Variants in SMOC2 observed in about 807,000 individuals in gnomAD.
SMOC2 encodes the protein SPARC-related modular calcium-binding protein 2.
A neutral mutation model predicts 61.4 loss-of-function variants in SMOC2; 39 were observed. The ratio of observed to expected loss-of-function variants is 0.64; its 90% CI spans 0.49 to 0.83. SMOC2 has a LOEUF of 0.83. Among genes scored for constraint, SMOC2 ranks in the 40% least tolerant of loss-of-function variants. The pLI is 0.00. For synonymous variants in SMOC2, 247 were observed against 239.9 expected (o/e 1.03, Z -0.27); for missense variants, 556 against 592.9 (o/e 0.94, Z 0.65).
intron 9 of SMOC2, among the ~76,000 whole-genome samples, chr6:168,613,699 C>T (rs1785956824): frequency 7.4e-6 from 1 of 134,706 alleles, no homozygotes; most frequent in Non-Finnish European, 1.6e-5. Flanking sequence ...CTCTTCACAC[C>T]TACAGCCAGC....
At chr6:168,638,027 C>T (rs1786788810) in intron 9 of SMOC2, among the ~76,000 whole-genome samples, 1 of 149,846 alleles carries the variant, frequency 6.7e-6, no homozygotes, top group South Asian at 2.1e-4. Context: ...TCTCCCTGCA[C>T]ATCTGCGCAC....
chr6:168,664,890 A>C (rs920211726), intron 12 of SMOC2: 1 of 461,092 alleles, frequency 2.2e-6, no homozygotes, highest in Non-Finnish European at 4.5e-6. Flanking sequence ...TTTGTGATTT[A>C]TTTTGTCTGC....
At chr6:168,558,870 CAT>C (rs1491588674) in intron 7 of SMOC2, among the ~76,000 whole-genome samples, 1 of 100,088 alleles carries the variant, frequency 1.0e-5, no homozygotes, top group South Asian at 2.9e-4. Context: ...CATGTGTGTG[CAT>C]GTGTGTGCGT....
At chr6:168,625,690 G>A (rs975316994) in intron 9 of SMOC2, among the ~76,000 whole-genome samples, 1 of 152,182 alleles carries the variant, frequency 6.6e-6, no homozygotes, top group Admixed American at 6.5e-5. Context: ...CAGCCAAGCC[G>A]AGCCAAGTGC....
At position 168,618,505 on chromosome 6, in the gene SMOC2, C is replaced by T. The variant is rs140512007; in HGVS notation, c.907+10266C>T. 5.1e-3 allele frequency among the ~76,000 whole-genome samples: 691 copies of T among 135,176 alleles called. 1 individual carries two copies. Among genetic ancestry groups the T allele is most frequent in the Admixed American group, 8.4e-3 (112 of 13,318 alleles). The allele number at this position is 135,176 out of a possible 152,430, so 88.7% of individuals were successfully genotyped here. On this transcript the variant is annotated intron_variant, in intron 9 of 12. Transcript: ENST00000356284. The stretch of plus-strand genomic sequence containing the variant: ...TGGCATTAGGAGAGTGGAGGAGAGG[C>T]GGGTAGTGGCATTAAAAGGAGAGTC...
chr6:168,555,950 TG>T (rs1046861387), intron 7 of SMOC2, among the ~76,000 whole-genome samples: 1 of 152,086 alleles, frequency 6.6e-6, no homozygotes, highest in Non-Finnish European at 1.5e-5. Context: ...CAGACACCGC[TG>T]GGGGCACTGC....
intron 11 of SMOC2, among the ~76,000 whole-genome samples, chr6:168,659,932 G>A (rs538653224): frequency 2.6e-5 from 4 of 151,256 alleles, no homozygotes; most frequent in East Asian, 1.9e-4. Flanking sequence ...GTTGTAGGCT[G>A]GGTGAGGGTG....
chr6:168,650,700 G>C lies in SMOC2; in HGVS notation c.927G>C (p.Lys309Asn). ...TTTCAGGTTGTCCGGGTGCCAAAAA[G>C]CATGAGTTTCTGACCAGCGTTCTGG... ...RQLQGCPGAK[K>N]HEFLTSVLDA... The change falls in exon 10 of 13, where the codon AAG becomes AAC. Residue 309 changes from lysine to asparagine, a missense_variant. Physicochemically the swap from Lys to Asn is moderately conservative, Grantham distance 94. Transcript: ENST00000356284. 1 of 1,613,782 alleles carries C rather than the reference G, an allele frequency of 6.2e-7. No individual in the cohort carries two copies. Among genetic ancestry groups the C allele is most frequent in the Non-Finnish European group, 8.5e-7 (1 of 1,179,912 alleles).
At chr6:168,622,110 C>T (rs112121820) in intron 9 of SMOC2, among the ~76,000 whole-genome samples, 2 of 152,008 alleles carry the variant, frequency 1.3e-5, no homozygotes, top group African/African-American at 2.4e-5. Flanking sequence ...GGACTACAGG[C>T]GCCTGCCACC....
rs1562346828 is a variant in SMOC2, at chr6:168,558,868, TGC to T, written c.637+9666_637+9667del. On this transcript the variant is annotated intron_variant, in intron 7 of 12. Transcript: ENST00000356284. Reference sequence around the variant, plus strand: ...GTATGTGCGCGTGTGCGCATGTGTGTGCATGTGTGTGCGTGTGTGCGTGTGCA... The same window carrying T: ...GTATGTGCGCGTGTGCGCATGTGTGTATGTGTGTGCGTGTGTGCGTGTGCA... Among the ~76,000 whole-genome samples the T allele has an allele frequency of 2.3e-3, 242 of 107,534 alleles. 1 individual carries two copies. Among genetic ancestry groups the T allele is most frequent in the African/African-American group, 0.015 (235 of 15,480 alleles). 70.5% of individuals were successfully genotyped at this position (107,534 alleles called of 152,430 possible). A position where few individuals can be genotyped will look rare whatever the true frequency, so the allele number is the denominator to read the frequency against.
chr6:168,539,571 C>A (rs527712763), intron 4 of SMOC2, among the ~76,000 whole-genome samples: 9 of 152,360 alleles, frequency 5.9e-5, no homozygotes, highest in African/African-American at 2.2e-4. Flanking sequence ...CGGGCTCAGG[C>A]CTTCCACACC....
intron 9 of SMOC2, among the ~76,000 whole-genome samples, chr6:168,643,840 G>A (rs1320070005): frequency 1.3e-5 from 2 of 152,170 alleles, no homozygotes; most frequent in East Asian, 1.9e-4. Context: ...AGGCAGTCAC[G>A]AGGCCACAGT....
At chr6:168,505,766 A>G (rs947495765) in intron 1 of SMOC2, among the ~76,000 whole-genome samples, 1 of 152,184 alleles carries the variant, frequency 6.6e-6, no homozygotes, top group East Asian at 1.9e-4. Flanking sequence ...AAATCTGAGG[A>G]AGTCCAGGCT....
chr6:168,659,330 T>C (rs1787413197), intron 11 of SMOC2, among the ~76,000 whole-genome samples: 1 of 152,046 alleles, frequency 6.6e-6, no homozygotes, highest in South Asian at 2.1e-4. Context: ...AGCACCAGGG[T>C]CAGCCAAGAG....
intron 7 of SMOC2, among the ~76,000 whole-genome samples, chr6:168,550,352 G>C (rs1784102541): frequency 6.6e-6 from 1 of 152,102 alleles, no homozygotes; most frequent in Non-Finnish European, 1.5e-5. Context: ...AAAATCAAAA[G>C]GTATATTAAA....
chr6:168,571,837 C>A (rs62422467), intron 7 of SMOC2, among the ~76,000 whole-genome samples: 18 of 126,526 alleles, frequency 1.4e-4, no homozygotes, highest in African/African-American at 3.6e-4. Context: ...ACCAGGGCTG[C>A]GTGCTCCCTG....
In SMOC2 at chr6:168,535,556, A is replaced by G. The variant is rs1051824612; in HGVS notation, c.463+7829A>G. On this transcript the variant is annotated intron_variant, in intron 4 of 12. Coordinates refer to ENST00000356284, the MANE Select transcript of SMOC2 (RefSeq NM_001166412.2). The surrounding 1 kb of genome is among the most constrained non-coding windows in gnomAD (Gnocchi z 4.6). The stretch of plus-strand genomic sequence containing the variant: ...AGATGCACCTCAAATCAGGAATCCC[A>G]ACTGTTTAAAGGCAGAATCACTAGG... 1.3e-5 allele frequency among the ~76,000 whole-genome samples: 2 copies of G among 152,206 alleles called. No homozygotes were observed. Among genetic ancestry groups the G allele is most frequent in the African/African-American group, 2.4e-5 (1 of 41,452 alleles).
chr6:168,631,318 G>A (rs777657665), intron 9 of SMOC2, among the ~76,000 whole-genome samples: 1 of 152,170 alleles, frequency 6.6e-6, no homozygotes, highest in Non-Finnish European at 1.5e-5. Context: ...CAAAAGTCAG[G>A]CCTTGGAGCA....
At chr6:168,481,326 CAG>C (rs755632152) in intron 1 of SMOC2, among the ~76,000 whole-genome samples, 9 of 151,914 alleles carry the variant, frequency 5.9e-5, no homozygotes, top group Non-Finnish European at 8.8e-5. Flanking sequence ...GCAGAATGAA[CAG>C]GGTAAAAAAC....
Sources: allele counts gnomAD v4.1 joint callset (sites outside exome capture counted in the v4.1 genomes callset), GRCh38; gene constraint gnomAD v4.1.1; non-coding constraint Gnocchi (gnomAD v3.1); transcripts MANE v1.5; gene names NCBI Gene and HGNC (gene_info 2026-07-23, HGNC 2026-07-21).